The following PPFIA2 variants were observed in gnomAD, a reference collection of about 807,000 sequenced individuals.
PPFIA2 encodes PPFI scaffold protein A2, also known as liprin-alpha-2.
PPFIA2 carries 46 observed loss-of-function variants against 175.5 expected under a neutral mutation model. The observed-to-expected ratio is 0.26, with a 90% CI of 0.21 to 0.34. The LOEUF is 0.34. Among genes scored for constraint, PPFIA2 ranks in the 10% least tolerant of loss-of-function variants. PPFIA2 has a pLI of 1.00. For synonymous variants in PPFIA2, 568 were observed against 511.4 expected, an observed-to-expected ratio of 1.11 and a Z score of -1.49; for missense variants, 1,179 against 1,506.1, an observed-to-expected ratio of 0.78 and a Z score of 3.60.
chr12:81,676,512 A>G lies in PPFIA2; in HGVS notation c.303+279T>C, dbSNP rs1360307664. On this transcript the variant is annotated intron_variant, in intron 4 of 32. Coordinates refer to ENST00000549396, the MANE Select transcript of PPFIA2 (RefSeq NM_003625.5). ...ATTTAGAAAAACAAACTCTCCAGTT[A>G]GTAGAACATAAATTACTGAGATATT... 1.4e-5 allele frequency: 3 copies of G among 216,970 alleles called. No individual in the cohort carries two copies. The East Asian group carries it at 2.8e-4, about 20-fold the overall frequency. 13.4% of individuals were successfully genotyped at this position (216,970 alleles called of 1,614,324 possible).
intron 4 of PPFIA2, among the ~76,000 whole-genome samples, chr12:81,614,850 A>G (rs539671076): frequency 2.4e-4 from 36 of 152,242 alleles, no homozygotes; most frequent in Non-Finnish European, 3.5e-4. Flanking sequence ...TAAACCTTCT[A>G]TTTATTCCTC....
intron 3 of PPFIA2, among the ~76,000 whole-genome samples, chr12:81,678,983 G>A (rs1437019128): frequency 6.6e-6 from 1 of 151,644 alleles, no homozygotes; most frequent in East Asian, 1.9e-4. Context: ...ATGTTCTTTA[G>A]CATTCTTATT....
At chr12:81,439,242 G>A (rs1432416735) in intron 7 of PPFIA2, among the ~76,000 whole-genome samples, 1 of 148,222 alleles carries the variant, frequency 6.7e-6, no homozygotes, top group Non-Finnish European at 1.5e-5. Context: ...GTACCACACT[G>A]TCTATAGGAG....
intron 4 of PPFIA2, among the ~76,000 whole-genome samples, chr12:81,579,378 A>G (rs942216121): frequency 6.6e-6 from 1 of 151,838 alleles, no homozygotes; most frequent in African/African-American, 2.4e-5. Flanking sequence ...TGGATAATTT[A>G]AAGCTTTTGT....
rs1481344717 is a variant in PPFIA2 at position 81,384,261 on chromosome 12, A to G, written c.763-17T>C. The stretch of plus-strand genomic sequence containing the variant: ...GGACAAACGCTGCAGAAATAGAAAA[A>G]GAAATGGCACTTAAGAATTTTCATC... On this transcript the variant is annotated splice_polypyrimidine_tract_variant and intron_variant, in intron 8 of 32. Coordinates refer to ENST00000549396, the MANE Select transcript of PPFIA2 (RefSeq NM_003625.5). 3.5e-6 allele frequency: 5 copies of G among 1,408,934 alleles called. No individual in the cohort carries two copies. Among genetic ancestry groups the G allele is most frequent in the Middle Eastern group, 1.8e-4 (1 of 5,452 alleles). 87.3% of individuals were successfully genotyped at this position (1,408,934 alleles called of 1,614,324 possible).
At chr12:81,473,347 T>C (rs1337127758) in intron 4 of PPFIA2, among the ~76,000 whole-genome samples, 2 of 152,166 alleles carry the variant, frequency 1.3e-5, no homozygotes, top group African/African-American at 4.8e-5. Flanking sequence ...AGGCGGAGGT[T>C]GCAGTGAGCC....
chr12:81,635,347 T>C (rs1443354450), intron 4 of PPFIA2, among the ~76,000 whole-genome samples: 2 of 152,222 alleles, frequency 1.3e-5, no homozygotes, highest in Non-Finnish European at 2.9e-5. Flanking sequence ...TAAAGGAATA[T>C]ATACACACAC....
intron 19 of PPFIA2, among the ~76,000 whole-genome samples, chr12:81,341,825 T>C (rs1424280165): frequency 2.0e-5 from 3 of 152,136 alleles, no homozygotes; most frequent in Non-Finnish European, 4.4e-5. Context: ...CATATAGCAT[T>C]ATACATACTC....
chr12:81,623,381 A>G (rs763782780), intron 4 of PPFIA2, among the ~76,000 whole-genome samples: 2 of 152,042 alleles, frequency 1.3e-5, no homozygotes, highest in Non-Finnish European at 2.9e-5. Flanking sequence ...AACTGGTATT[A>G]ATAGTGCTCA....
intron 3 of PPFIA2, among the ~76,000 whole-genome samples, chr12:81,730,377 C>T (rs1400212630): frequency 6.6e-6 from 1 of 151,482 alleles, no homozygotes; most frequent in African/African-American, 2.4e-5. Flanking sequence ...GCTGGGGAGG[C>T]CTCAGGAAAT....
rs143164093 is a variant in PPFIA2 at position 81,631,517 on chromosome 12, A to T, written c.303+45274T>A. ...GGGAAAACAATTTAAAAGGTTGTATAAAATTATAAATTCTTATATAGAAAT... is the reference window on the plus strand; with the variant it reads ...GGGAAAACAATTTAAAAGGTTGTATTAAATTATAAATTCTTATATAGAAAT... On this transcript the variant is annotated intron_variant, in intron 4 of 32. Coordinates refer to ENST00000549396, the MANE Select transcript of PPFIA2 (RefSeq NM_003625.5). 5.5e-3 allele frequency among the ~76,000 whole-genome samples: 841 copies of T among 152,318 alleles called. 9 individuals carry two copies. Among genetic ancestry groups the T allele is most frequent in the South Asian group, 0.031 (152 of 4,828 alleles).
intron 3 of PPFIA2, among the ~76,000 whole-genome samples, chr12:81,717,765 C>G (rs2078824253): frequency 6.6e-6 from 1 of 151,616 alleles, no homozygotes; most frequent in Non-Finnish European, 1.5e-5. Flanking sequence ...AGGACAAGCT[C>G]CATGTAAGGA....
chr12:81,388,278 G>T (rs970353077), intron 8 of PPFIA2, among the ~76,000 whole-genome samples: 17 of 152,042 alleles, frequency 1.1e-4, no homozygotes, highest in South Asian at 2.1e-4. Context: ...TACTCTTGGG[G>T]TAAACAAATA....
intron 7 of PPFIA2, among the ~76,000 whole-genome samples, chr12:81,422,138 GTGTATATATA>G (rs1418379016): frequency 1.2e-5 from 1 of 83,572 alleles, no homozygotes; most frequent in Non-Finnish European, 2.3e-5. Flanking sequence ...GTATATATAT[GTGTATATATA>G]TGTGTGTATA....
At chr12:81,332,453 T>C (rs932213094) in intron 21 of PPFIA2, among the ~76,000 whole-genome samples, 2 of 152,080 alleles carry the variant, frequency 1.3e-5, no homozygotes, top group Admixed American at 6.6e-5. Context: ...TTCAAATACG[T>C]AGGAAGATTG....
At chr12:81,307,115 G>A (rs1172417816) in intron 22 of PPFIA2, among the ~76,000 whole-genome samples, 3 of 151,942 alleles carry the variant, frequency 2.0e-5, no homozygotes, top group Admixed American at 6.6e-5. Context: ...CTTAACTCCT[G>A]GCTTCCCTTT....
intron 22 of PPFIA2, among the ~76,000 whole-genome samples, chr12:81,322,790 T>C (rs553355431): frequency 1.3e-5 from 2 of 152,262 alleles, no homozygotes; most frequent in Admixed American, 6.5e-5. Flanking sequence ...AAGGTAAAGA[T>C]GGACAAGACA....
At chr12:81,598,206 A>T (rs2059449922) in intron 4 of PPFIA2, 1 of 1,360,664 alleles carries the variant, frequency 7.3e-7, no homozygotes, top group Non-Finnish European at 9.4e-7. Context: ...TACATTTGAA[A>T]TCTTAGCTGA....
At chr12:81,644,955 T>G (rs925189890) in intron 4 of PPFIA2, among the ~76,000 whole-genome samples, 2 of 27,544 alleles carry the variant, frequency 7.3e-5, no homozygotes, top group Non-Finnish European at 1.4e-4. Flanking sequence ...AGAAAATGCA[T>G]AGTAGCCATA....
Sources: allele counts gnomAD v4.1 joint callset (sites outside exome capture counted in the v4.1 genomes callset), GRCh38; gene constraint gnomAD v4.1.1; transcripts MANE v1.5; gene names NCBI Gene and HGNC (gene_info 2026-07-23, HGNC 2026-07-21).